Variants in ADGRV1 observed in about 807,000 individuals in gnomAD.
ADGRV1 encodes G-protein coupled receptor 98.
A neutral mutation model predicts 596.2 loss-of-function variants in ADGRV1; 359 were observed. The observed-to-expected ratio is 0.60, with a 90% CI of 0.55 to 0.66. The LOEUF (loss-of-function observed/expected upper bound fraction) is 0.66. Ranked by LOEUF, ADGRV1 falls within the 30% of genes least tolerant of loss-of-function variation. The pLI is 0.00. For missense variants in ADGRV1, 7,274 were observed against 7,575.6 expected (o/e 0.96, Z 1.48); for synonymous variants, 2,681 against 2,679.2 (o/e 1.00, Z -0.02).
At chr5:90,866,315 A>ATGTGTGTGTG (rs149341618) in intron 83 of ADGRV1, among the ~76,000 whole-genome samples, 3,753 of 138,260 alleles carry the variant, frequency 0.027, 66 homozygotes, top group African/African-American at 0.049. Context: ...GTATGTGTAT[A>ATGTGTGTGTG]TGTGTGTGTG....
At chr5:90,885,436 A>G (rs1177493530) in intron 83 of ADGRV1, among the ~76,000 whole-genome samples, 1 of 152,164 alleles carries the variant, frequency 6.6e-6, no homozygotes, top group African/African-American at 2.4e-5. Context: ...CTTCTCCATA[A>G]TGATATGGAA....
intron 73 of ADGRV1, among the ~76,000 whole-genome samples, chr5:90,809,969 G>C (rs1168668404): frequency 1.3e-5 from 2 of 152,220 alleles, no homozygotes; most frequent in African/African-American, 4.8e-5. Flanking sequence ...GCTCTGGGAT[G>C]ATGGAGAAAT....
chr5:90,883,687 C>A (rs1278601768), intron 83 of ADGRV1, among the ~76,000 whole-genome samples: 7 of 152,168 alleles, frequency 4.6e-5, no homozygotes, highest in Admixed American at 2.6e-4. Context: ...CTCACACCCC[C>A]ATTTCCTAAC....
At chr5:90,802,658 C>A (rs1761498226) in intron 70 of ADGRV1, 81 bp from the exon 71 acceptor site, 2 of 1,284,896 alleles carry the variant, frequency 1.6e-6, no homozygotes, top group Non-Finnish European at 2.2e-6. Flanking sequence ...CAACCTCAGG[C>A]ATTATGCTAA....
Position 90,720,160 on chromosome 5 carries a change from T to A in ADGRV1, c.9560T>A (p.Leu3187Gln). ...AGACTAGGGGTGCATGTTCAAACCC[T>A]GATAACAGTTTTGCAAAACCAGGCC... ...GARLGVHVQT[L>Q]ITVLQNQAPL... is the part of the protein sequence containing the mutation. The change falls in exon 44 of 90, where the codon CTG (leucine) becomes CAG (glutamine). Residue 3187 changes from leucine (L) to glutamine (Q), a missense_variant. By Grantham distance (113) the Leu-to-Gln change is moderately radical. This residue lies in a region of ADGRV1 where 3,643 missense variants were observed against 3,809.2 expected (regional missense o/e 0.96). Coordinates refer to ENST00000405460, the MANE Select transcript of ADGRV1 (RefSeq NM_032119.4). 2 of 1,610,258 alleles carry A rather than the reference T, an allele frequency of 1.2e-6. No individual in the cohort carries two copies. Among genetic ancestry groups the A allele is most frequent in the Non-Finnish European group, 8.5e-7 (1 of 1,178,280 alleles).
chr5:90,595,779 G>C (rs1346451991), intron 1 of ADGRV1, among the ~76,000 whole-genome samples: 2 of 140,824 alleles, frequency 1.4e-5, no homozygotes, highest in East Asian at 2.3e-4. Context: ...GTGGCTGGCC[G>C]GGCGGGAGGC....
rs1432651983 is a variant in ADGRV1, at chr5:91,164,207, A to G, written c.*307A>G. On this transcript the variant is annotated 3_prime_UTR_variant, in exon 90 of 90. Coordinates refer to ENST00000405460, the MANE Select transcript of ADGRV1 (RefSeq NM_032119.4). ...AATGAAAGTAATAATCAATAAAGCA[A>G]TAGAATCTATTTGGTATCATCCAGC... 1.3e-5 allele frequency: 5 copies of G among 390,092 alleles called. No homozygotes were observed. The highest frequency in any genetic ancestry group is 2.4e-5 in the Non-Finnish European group (5 of 204,766). 24.2% of individuals were successfully genotyped at this position (390,092 alleles called of 1,614,324 possible).
At chr5:91,040,963 G>A (rs1306654307) in intron 85 of ADGRV1, among the ~76,000 whole-genome samples, 1 of 152,108 alleles carries the variant, frequency 6.6e-6, no homozygotes, top group African/African-American at 2.4e-5. Context: ...TTCTTCTCTA[G>A]TTATCTCATT....
chr5:90,709,714 T>A (rs1326523963), intron 39 of ADGRV1, among the ~76,000 whole-genome samples: 1 of 152,232 alleles, frequency 6.6e-6, no homozygotes, highest in Non-Finnish European at 1.5e-5. Context: ...ATTGTTTGAA[T>A]AAATTCAGTT....
At chr5:90,747,390 G>A (rs78173185) in intron 52 of ADGRV1, among the ~76,000 whole-genome samples, 1,847 of 152,156 alleles carry the variant, frequency 0.012, 34 homozygotes, top group African/African-American at 0.043. Flanking sequence ...AAGACTCGCA[G>A]GACCTAGCAT....
At chr5:90,921,605 C>T (rs1246854537) in intron 83 of ADGRV1, among the ~76,000 whole-genome samples, 1 of 152,138 alleles carries the variant, frequency 6.6e-6, no homozygotes, top group African/African-American at 2.4e-5. Flanking sequence ...GGCACACTAT[C>T]AACCCTGCCA....
chr5:90,981,956 C>T (rs966091840), intron 84 of ADGRV1, among the ~76,000 whole-genome samples: 2 of 122,830 alleles, frequency 1.6e-5, no homozygotes, highest in Non-Finnish European at 3.2e-5. Flanking sequence ...ATTGATTCAC[C>T]AAAACCTGGA....
chr5:90,777,000 C>T (rs968833797), intron 61 of ADGRV1, among the ~76,000 whole-genome samples: 6 of 152,122 alleles, frequency 3.9e-5, no homozygotes, highest in African/African-American at 1.2e-4. Context: ...AAATCAGAGT[C>T]TGTATTAGTC....
chr5:90,617,804 C>T lies in ADGRV1; in HGVS notation c.208C>T (p.Leu70=). Residue 70 remains leucine (L), a splice_region_variant and synonymous_variant, in exon 3 of 90, where the codon CTG becomes TTG. Transcript: ENST00000405460. ...EPANVTAIVS[L]YGEDAGDFFD... ...ATGATCTATATTTTGCATTTGATAG[C>T]TGTATGGAGAGGACGCTGGTGACTT... 1 of 1,590,822 alleles carries T rather than the reference C, an allele frequency of 6.3e-7. No homozygotes were observed. Among genetic ancestry groups the T allele is most frequent in the Non-Finnish European group, 8.6e-7 (1 of 1,167,344 alleles).
intron 85 of ADGRV1, among the ~76,000 whole-genome samples, chr5:91,028,047 T>C (rs1784166721): frequency 6.6e-6 from 1 of 151,760 alleles, no homozygotes; most frequent in South Asian, 2.1e-4. Context: ...CTTTTTTTTT[T>C]TTTTTAATTC....
rs1246231337 is a variant in ADGRV1 at position 91,102,268 on chromosome 5, T to C, written c.18360T>C (p.Leu6120=). ...TTGCTCTGATTTCCGTGACATGGCT[T>C]TGGGGAGGACTACACATGGCCTACA... ...YLFALISVTW[L]WGGLHMAYRH... is the part of the protein sequence containing the mutation. The change falls in exon 87 of 90, where the codon CTT becomes CTC. Residue 6120 remains leucine, a synonymous_variant. Transcript: ENST00000405460. The C allele has an allele frequency of 8.1e-6, 13 of 1,610,928 alleles. No individual in the cohort carries two copies. The Admixed American group carries it at 1.7e-4, about 21-fold the overall frequency.
chr5:90,724,731 G>A, intron 45 of ADGRV1, 101 bp from the exon 46 acceptor site: 1 of 1,025,838 alleles, frequency 9.7e-7, no homozygotes, highest in Non-Finnish European at 1.5e-6. Context: ...ATTTTCATTT[G>A]TAGTCACAAA....
chr5:90,660,019 ACT>A (rs764292533), intron 21 of ADGRV1, among the ~76,000 whole-genome samples: 1 of 151,512 alleles, frequency 6.6e-6, no homozygotes, highest in Admixed American at 6.6e-5. Context: ...GTGACACAAG[ACT>A]CTGTCTCAGA....
At chr5:90,689,355 T>TC (rs1470510714) in intron 29 of ADGRV1, among the ~76,000 whole-genome samples, 6 of 128,942 alleles carry the variant, frequency 4.7e-5, no homozygotes, top group Non-Finnish European at 8.3e-5. Context: ...TTTTTTTTTT[T>TC]CTCTCCTGCC....
Sources: gnomAD v4.1 joint callset for allele counts (sites outside exome capture counted in the v4.1 genomes callset) on GRCh38, gnomAD v4.1.1 for gene constraint, gnomAD v4.1.1 regional missense constraint, MANE v1.5 for transcripts, NCBI Gene and HGNC (gene_info 2026-07-23, HGNC 2026-07-21) for gene names.